The following NKTR variants were observed in gnomAD, a reference collection of about 807,000 sequenced individuals.
NKTR encodes the protein natural killer cell triggering receptor, also known as NK-tumor recognition protein.
Under a neutral mutation model 156.3 loss-of-function variants are expected in NKTR, and 67 were observed. That is an observed-to-expected ratio of 0.43 (90% CI 0.35 to 0.53). The LOEUF is 0.53. Among genes scored for constraint, NKTR ranks in the 20% least tolerant of loss-of-function variants. The pLI, the probability that NKTR is intolerant of heterozygous loss-of-function variation, is 0.01. For synonymous variants in NKTR, 640 were observed against 596.6 expected (o/e 1.07, Z -1.06); for missense variants, 1,604 against 1,730.9 (o/e 0.93, Z 1.30).
chr3:42,608,064 A>G (rs1159288502), intron 2 of NKTR, among the ~76,000 whole-genome samples: 2 of 129,414 alleles, frequency 1.5e-5, no homozygotes, highest in Non-Finnish European at 3.1e-5. Context: ...ATCTCAGCTC[A>G]CTGCAACCTC....
At chr3:42,634,812 A>G in intron 11 of NKTR, 112 bp downstream of exon 11, 1 of 608,582 alleles carries the variant, frequency 1.6e-6, no homozygotes, top group East Asian at 2.9e-5. Context: ...TCAAGGAACT[A>G]ATTGTATTTT....
At position 42,630,574 on chromosome 3, in the gene NKTR, G is replaced by A; in HGVS notation, c.403G>A (p.Gly135Arg). The change falls in exon 7 of 17, where the codon GGG (glycine) becomes AGG (arginine). Residue 135 changes from glycine to arginine, a missense_variant and splice_region_variant. Gly to Arg is a moderately radical substitution (Grantham distance 125). Transcript: ENST00000232978. ...ITTKPAPHLDGVHVVFGLVIS... is the reference protein window; with the variant it reads ...ITTKPAPHLDRVHVVFGLVIS... ...CACAAAGCCTGCTCCACACCTGGAT[G>A]GGTAAGAGTTACATTCTTACTACAT... The A allele has an allele frequency of 1.2e-6, 2 of 1,613,594 alleles. No homozygotes were observed. The highest frequency in any genetic ancestry group is 1.7e-6 in the Non-Finnish European group (2 of 1,179,640).
chr3:42,600,930 C>T (rs1347082640), intron 1 of NKTR, 54 bp from the exon 2 acceptor site: 3 of 1,163,594 alleles, frequency 2.6e-6, no homozygotes, highest in African/African-American at 3.2e-5. Flanking sequence ...TCGCCCCTGC[C>T]CTCGCCCCCG....
Position 42,639,361 on chromosome 3 carries a change from C to G in NKTR, c.3657C>G (p.Ile1219Met), listed in dbSNP as rs372327216. Residue 1219 changes from isoleucine to methionine, a missense_variant, in exon 13 of 17, where the codon ATC (isoleucine) becomes ATG (methionine). By Grantham distance (10) the Ile-to-Met change is conservative. Coordinates refer to ENST00000232978, the MANE Select transcript of NKTR (RefSeq NM_005385.4). The stretch of plus-strand genomic sequence containing the variant: ...AGGAGGTGGCTGAGAAGAGCCAGAT[C>G]AACCTCATTGATAAGAAATGGAAGC... ...GKKEVAEKSQ[I>M]NLIDKKWKPL... The G allele has an allele frequency of 9.9e-6, 16 of 1,613,948 alleles. No homozygotes were observed. The highest frequency in any genetic ancestry group is 1.4e-5 in the Non-Finnish European group (16 of 1,180,000).
intron 6 of NKTR, among the ~76,000 whole-genome samples, chr3:42,623,455 A>G (rs1559566356): frequency 6.6e-6 from 1 of 152,104 alleles, no homozygotes; most frequent in Admixed American, 6.6e-5. Context: ...TTGTGTCAGT[A>G]TACTTTCTTT....
At chr3:42,633,807 C>T in intron 10 of NKTR, 72 bp downstream of exon 10, 2 of 1,505,260 alleles carry the variant, frequency 1.3e-6, no homozygotes, top group Non-Finnish European at 9.2e-7. Context: ...TTGCATTCCA[C>T]ACTCATGTAT....
intron 2 of NKTR, among the ~76,000 whole-genome samples, chr3:42,605,946 G>A (rs958145881): frequency 1.3e-5 from 2 of 152,182 alleles, no homozygotes; most frequent in East Asian, 1.9e-4. Flanking sequence ...GGATTAAGGA[G>A]CACAATTTTA....
chr3:42,603,036 A>AAG (rs1553654144), intron 2 of NKTR: 10 of 152,600 alleles, frequency 6.6e-5, no homozygotes, highest in East Asian at 1.9e-4. Context: ...AAAAAAAAAA[A>AAG]AAAAGAAAAG....
Position 42,634,602 on chromosome 3 carries a change from T to G in NKTR, c.930-11T>G, listed in dbSNP as rs1709213230. ...TTATTTTTAATTTTCATCACAATCT[T>G]CTTTTCCTAGGAAGATTCCTGATGT... On this transcript the variant is annotated splice_polypyrimidine_tract_variant and intron_variant, in intron 10 of 16. Transcript: ENST00000232978. The G allele has an allele frequency of 1.4e-6, 2 of 1,475,530 alleles. No individual in the cohort carries two copies. The highest frequency in any genetic ancestry group is 1.4e-5 in the African/African-American group (1 of 70,924). The allele number at this position is 1,475,530 out of a possible 1,614,324, so 91.4% of individuals were successfully genotyped here.
rs1710499391 is a variant in NKTR, at chr3:42,648,724, TACTTAG to T, written c.*2750_*2755del. 1 of 152,674 alleles carries T rather than the reference TACTTAG, an allele frequency of 6.5e-6. No individual in the cohort carries two copies. Among genetic ancestry groups the T allele is most frequent in the African/African-American group, 2.4e-5 (1 of 41,468 alleles). 9.5% of individuals were successfully genotyped at this position (152,674 alleles called of 1,614,324 possible). On this transcript the variant is annotated 3_prime_UTR_variant, in exon 17 of 17. Coordinates refer to ENST00000232978, the MANE Select transcript of NKTR (RefSeq NM_005385.4). The stretch of plus-strand genomic sequence containing the variant: ...GGGACCTTGTAGAAATTAAAATATA[TACTTAG>T]TCTAAGTCTGAGTCTGTTCATGTTT...
rs1013889245 is a variant in NKTR at position 42,647,645 on chromosome 3, A to G, written c.*1670A>G. 6.6e-6 allele frequency: 1 copy of G among 152,210 alleles called. No homozygotes were observed. The highest frequency in any genetic ancestry group is 2.4e-5 in the African/African-American group (1 of 41,428). 9.4% of individuals were successfully genotyped at this position (152,210 alleles called of 1,614,324 possible). A position where few individuals can be genotyped will look rare whatever the true frequency, so the allele number is the denominator to read the frequency against. On this transcript the variant is annotated 3_prime_UTR_variant, in exon 17 of 17. Transcript: ENST00000232978. The stretch of plus-strand genomic sequence containing the variant: ...TTAGGCCAAACAAACAATACTGGAT[A>G]CTGAATACAAAACAGTATGATTTAT...
At chr3:42,643,815 A>G in intron 15 of NKTR, 87 bp from the exon 16 acceptor site, 5 of 907,430 alleles carry the variant, frequency 5.5e-6, no homozygotes, top group East Asian at 5.1e-5. Flanking sequence ...GTTCTAAGCT[A>G]GAACACTCCT....
intron 5 of NKTR, chr3:42,620,091 C>T: frequency 2.0e-6 from 3 of 1,527,306 alleles, no homozygotes; most frequent in Non-Finnish European, 2.6e-6. Flanking sequence ...TGTTCCCTTG[C>T]ACCCTTCCTA....
At chr3:42,627,863 C>T (rs1284545537) in intron 6 of NKTR, 32 of 985,126 alleles carry the variant, frequency 3.2e-5, no homozygotes, top group South Asian at 2.8e-4. Context: ...TTTAAACAGC[C>T]GCTTTTAAGA....
rs202227412 is a variant in NKTR at position 42,601,079 on chromosome 3, G to T, written c.58+15G>T. On this transcript the variant is annotated intron_variant, in intron 2 of 16. Coordinates refer to ENST00000232978, the MANE Select transcript of NKTR (RefSeq NM_005385.4). ...CCGGGAGCCGGGTGAGCTGGAAACT[G>T]GGGAGCGCTGCTGGGGCCGAGGCCT... is the stretch of plus-strand genomic sequence containing the variant. 2.6e-6 allele frequency: 4 copies of T among 1,555,790 alleles called. No homozygotes were observed. In the East Asian group the frequency reaches 7.4e-5, roughly 29 times the overall value.
intron 6 of NKTR, among the ~76,000 whole-genome samples, chr3:42,622,777 TTAATAG>T (rs1157442586): frequency 6.6e-6 from 1 of 152,056 alleles, no homozygotes. Context: ...GAAAGCCTTT[TTAATAG>T]TAACTTAATG....
chr3:42,605,809 A>G (rs1191744378), intron 2 of NKTR, among the ~76,000 whole-genome samples: 1 of 152,216 alleles, frequency 6.6e-6, no homozygotes, highest in Admixed American at 6.5e-5. Context: ...TTAACCTGTT[A>G]TATTATTAAC....
At chr3:42,620,694 A>G (rs1323613873) in intron 5 of NKTR, 38 of 984,414 alleles carry the variant, frequency 3.9e-5, no homozygotes, top group Non-Finnish European at 4.2e-5. Flanking sequence ...ACTCTAAGTG[A>G]TCTTTATCAC....
At chr3:42,611,518 G>A (rs1706805961) in intron 2 of NKTR, among the ~76,000 whole-genome samples, 1 of 152,016 alleles carries the variant, frequency 6.6e-6, no homozygotes, top group African/African-American at 2.4e-5. Context: ...CAAATCACAA[G>A]GTTAGGAGTT....
Sources: allele counts gnomAD v4.1 joint callset (sites outside exome capture counted in the v4.1 genomes callset), GRCh38; gene constraint gnomAD v4.1.1; transcripts MANE v1.5; gene names NCBI Gene and HGNC (gene_info 2026-07-23, HGNC 2026-07-21).